Variants in CELF2 observed in about 807,000 individuals in gnomAD.
The protein encoded by CELF2 is CUGBP Elav-like family member 2.
Under a neutral mutation model 62.6 loss-of-function variants are expected in CELF2, and 8 were observed. The ratio of observed to expected loss-of-function variants is 0.13; its 90% confidence interval spans 0.07 to 0.23. The LOEUF is 0.23. Ranked by LOEUF, CELF2 falls within the 10% of genes least tolerant of loss-of-function variation. The pLI is 1.00. For synonymous variants in CELF2, 258 were observed against 250.0 expected, an observed-to-expected ratio of 1.03 and a Z score of -0.30; for missense variants, 333 against 671.0, an observed-to-expected ratio of 0.50 and a Z score of 5.56.
At chr10:10,740,495 T>C in the CELF2 span, among the ~76,000 whole-genome samples, 3 of 152,276 alleles carry the variant, frequency 2.0e-5, no homozygotes, top group Non-Finnish European at 2.9e-5. Context: ...GAAAATGGTA[T>C]GGAGGTTCCT....
At chr10:10,591,100 A>C in the CELF2 span, among the ~76,000 whole-genome samples, 1 of 152,324 alleles carries the variant, frequency 6.6e-6, no homozygotes, top group South Asian at 2.1e-4. Flanking sequence ...AACTGATAGA[A>C]TATATCTAAA....
Position 11,075,277 on chromosome 10 carries a change from A to G in CELF2, c.74+57114A>G, listed in dbSNP as rs189900390. 5.9e-5 allele frequency: 9 copies of G among 152,342 alleles called. No homozygotes were observed. The highest frequency in any genetic ancestry group is 1.9e-4 in the African/African-American group (8 of 41,566). The allele number at this position is 152,342 out of a possible 1,614,324, so 9.4% of individuals were successfully genotyped here. ...AAGGCATGTTGATACTTCTTTTACT[A>G]AATAGCAAAAGCATAATGCCCTTTC... On this transcript the variant is annotated intron_variant, in intron 1 of 12. Coordinates refer to ENST00000633077, the MANE Select transcript of CELF2 (RefSeq NM_001326342.2). This position sits in a 1 kb window ranked among gnomAD's most constrained non-coding sequence, Gnocchi z 5.4.
At chr10:11,272,309 T>G (rs540113197) in intron 7 of CELF2, among the ~76,000 whole-genome samples, 1 of 152,380 alleles carries the variant, frequency 6.6e-6, no homozygotes, top group South Asian at 2.1e-4. Flanking sequence ...CTAATCAGTC[T>G]AAAAATTGCT....
At chr10:10,798,822 G>A in intron 1 of CELF2, 1 of 398,850 alleles carries the variant, frequency 2.5e-6, no homozygotes, top group Non-Finnish European at 4.4e-6. Context: ...TTTAAGGTAG[G>A]CCTGCTTTGC....
chr10:11,196,997 G>GGAGAAAGAAAGAAAGAAA (rs1565228587), intron 2 of CELF2, among the ~76,000 whole-genome samples: 661 of 55,928 alleles, frequency 0.012, 128 homozygotes, highest in African/African-American at 0.043. Flanking sequence ...AAGAAAGGAA[G>GGAGAAAGAAAGAAAGAAA]GAAGGAGAAA....
intron 1 of CELF2, among the ~76,000 whole-genome samples, chr10:10,903,230 C>A (rs779033814): frequency 6.6e-6 from 1 of 152,182 alleles, no homozygotes; most frequent in Non-Finnish European, 1.5e-5. Flanking sequence ...AATGTCCCTG[C>A]AATATTTGTG....
rs114553575 is a variant in CELF2 at position 11,226,523 on chromosome 10, C to G, written c.354+9016C>G. On this transcript the variant is annotated intron_variant, in intron 3 of 12. Coordinates refer to ENST00000633077, the MANE Select transcript of CELF2 (RefSeq NM_001326342.2). ...GTGGAACAGCAGGACCATGACAGTT[C>G]TGGCTGTGTCAGATGGCATGGACCT... is the stretch of plus-strand genomic sequence containing the variant. Among the ~76,000 whole-genome samples the G allele has an allele frequency of 3.7e-3, 556 of 152,212 alleles. 2 individuals carry two copies. The highest frequency in any genetic ancestry group is 0.013 in the African/African-American group (528 of 41,526).
At chr10:10,532,885 T>TAAA in the CELF2 span, among the ~76,000 whole-genome samples, 2 of 27,444 alleles carry the variant, frequency 7.3e-5, no homozygotes, top group African/African-American at 2.2e-4. Context: ...AGACAAAATC[T>TAAA]CAAAAAAAAA....
intron 1 of CELF2, among the ~76,000 whole-genome samples, chr10:11,101,663 G>C (rs1229653440): frequency 6.6e-6 from 1 of 152,196 alleles, no homozygotes; most frequent in East Asian, 1.9e-4. Context: ...ACACAGCAAG[G>C]ATCCACCCTT....
chr10:11,281,719 C>T (rs911007519), intron 8 of CELF2, among the ~76,000 whole-genome samples: 9 of 152,080 alleles, frequency 5.9e-5, no homozygotes, highest in African/African-American at 1.7e-4. Flanking sequence ...CACTCCAGCC[C>T]GGTGACGGAG....
At chr10:11,206,663 C>T (rs987944514) in intron 2 of CELF2, among the ~76,000 whole-genome samples, 16 of 152,334 alleles carry the variant, frequency 1.1e-4, no homozygotes, top group African/African-American at 3.8e-4. Context: ...GGAAGCCAGA[C>T]CCTCTAGTTG....
At chr10:10,804,572 C>T (rs1387400556) in intron 1 of CELF2, among the ~76,000 whole-genome samples, 1 of 152,240 alleles carries the variant, frequency 6.6e-6, no homozygotes, top group Non-Finnish European at 1.5e-5. Context: ...AGCACTTGAT[C>T]TCACAAAGAT....
chr10:11,211,871 T>G lies in CELF2; in HGVS notation c.272-5554T>G, dbSNP rs1257513752. On this transcript the variant is annotated intron_variant, in intron 2 of 12. Coordinates refer to ENST00000633077, the MANE Select transcript of CELF2 (RefSeq NM_001326342.2). This position sits in a 1 kb window ranked among gnomAD's most constrained non-coding sequence, Gnocchi z 4.8. ...GTGTGTGTGTAACTACCATTGGCCT[T>G]TGGGGCTTTATCTTTGGAAACAGCA... Among the ~76,000 whole-genome samples the G allele has an allele frequency of 6.7e-6, 1 of 148,188 alleles. No homozygotes were observed. Among genetic ancestry groups the G allele is most frequent in the Non-Finnish European group, 1.5e-5 (1 of 67,240 alleles).
At chr10:11,093,181 G>C in intron 1 of CELF2, among the ~76,000 whole-genome samples, 1 of 152,170 alleles carries the variant, frequency 6.6e-6, no homozygotes, top group East Asian at 1.9e-4. Context: ...AGAAGAAGAA[G>C]TTCATGCTGC....
intron 1 of CELF2, among the ~76,000 whole-genome samples, chr10:11,112,982 C>T (rs946032674): frequency 1.7e-4 from 26 of 152,184 alleles, no homozygotes. Context: ...ATATCTGAAG[C>T]TTGTGTCCTG....
At position 11,300,262 on chromosome 10, in the gene CELF2, C is replaced by T. The variant is rs769947115; in HGVS notation, c.976+11710C>T. On this transcript the variant is annotated intron_variant, in intron 9 of 12. Transcript: ENST00000633077. The surrounding 1 kb of genome is among the most constrained non-coding windows in gnomAD (Gnocchi z 5.5). ...TCCCCGCCTTCCACATGTGTGCCAC[C>T]GTACAATAAAGCCTCAGCAGTCGTT... Among the ~76,000 whole-genome samples the T allele has an allele frequency of 1.3e-5, 2 of 152,164 alleles. No individual in the cohort carries two copies. Among genetic ancestry groups the T allele is most frequent in the South Asian group, 2.1e-4 (1 of 4,826 alleles).
At chr10:10,570,068 C>G in the CELF2 span, among the ~76,000 whole-genome samples, 1 of 152,164 alleles carries the variant, frequency 6.6e-6, no homozygotes, top group East Asian at 1.9e-4. Flanking sequence ...AGAAACCAAT[C>G]TAGTGCCTCC....
the CELF2 span, among the ~76,000 whole-genome samples, chr10:10,772,884 A>G: frequency 6.6e-6 from 1 of 152,262 alleles, no homozygotes; most frequent in African/African-American, 2.4e-5. Flanking sequence ...TAAGAAAGAG[A>G]ATACCATGGG....
chr10:10,822,137 A>G (rs2057015285), intron 1 of CELF2, among the ~76,000 whole-genome samples: 1 of 152,160 alleles, frequency 6.6e-6, no homozygotes, highest in African/African-American at 2.4e-5. Flanking sequence ...TGCTTGTTCT[A>G]GAGCCTGTGT....
Sources: gnomAD v4.1 joint callset for allele counts (sites outside exome capture counted in the v4.1 genomes callset) on GRCh38, gnomAD v4.1.1 for gene constraint, Gnocchi (gnomAD v3.1) non-coding constraint, MANE v1.5 for transcripts, NCBI Gene and HGNC (gene_info 2026-07-23, HGNC 2026-07-21) for gene names.